ARHGAP32: variants seen among roughly 807,000 people sequenced by gnomAD.
ARHGAP32 encodes the protein Rho GTPase activating protein 32, also known as rho GTPase-activating protein 32.
In ARHGAP32, 51 loss-of-function variants were observed where a neutral mutation model predicts 186.5. That is an observed-to-expected ratio of 0.27 (90% CI 0.22 to 0.35). The LOEUF (loss-of-function observed/expected upper bound fraction) is 0.35. ARHGAP32 is among the 10% of genes least tolerant of loss of function. ARHGAP32 has a pLI of 1.00. For synonymous variants in ARHGAP32, 950 were observed against 964.3 expected, an observed-to-expected ratio of 0.99 and a Z score of 0.27; for missense variants, 2,186 against 2,623.5, an observed-to-expected ratio of 0.83 and a Z score of 3.64.
At chr11:129,149,629 CT>C (rs983763636) in intron 2 of ARHGAP32, among the ~76,000 whole-genome samples, 5 of 152,124 alleles carry the variant, frequency 3.3e-5, no homozygotes, top group African/African-American at 1.2e-4. Context: ...ACAAGGAAAT[CT>C]GAACATTAAG....
intron 1 of ARHGAP32, among the ~76,000 whole-genome samples, chr11:129,235,074 A>G (rs1356772558): frequency 1.3e-5 from 2 of 152,184 alleles, no homozygotes; most frequent in Admixed American, 1.3e-4. Context: ...AAATCCAACA[A>G]TAATTATCCT....
intron 1 of ARHGAP32, among the ~76,000 whole-genome samples, chr11:129,246,118 G>A (rs572881902): frequency 2.0e-5 from 3 of 152,282 alleles, no homozygotes; most frequent in African/African-American, 7.2e-5. Flanking sequence ...TACAATCCCT[G>A]CCTTCAAGGG....
At chr11:129,002,745 T>A (rs1937594658) in intron 11 of ARHGAP32, among the ~76,000 whole-genome samples, 1 of 152,080 alleles carries the variant, frequency 6.6e-6, no homozygotes, top group Admixed American at 6.6e-5. Flanking sequence ...GCTTTTATTA[T>A]GCTGACACAT....
At chr11:129,077,469 G>C (rs1941080254) in intron 6 of ARHGAP32, among the ~76,000 whole-genome samples, 1 of 152,080 alleles carries the variant, frequency 6.6e-6, no homozygotes, top group Non-Finnish European at 1.5e-5. Flanking sequence ...GGGACAGTGG[G>C]AATGAGACTG....
At chr11:129,265,320 C>T (rs190180825) in intron 1 of ARHGAP32, among the ~76,000 whole-genome samples, 32 of 152,272 alleles carry the variant, frequency 2.1e-4, no homozygotes, top group Non-Finnish European at 3.5e-4. Flanking sequence ...TCAACCTTGG[C>T]GCTACTGACA....
At chr11:129,075,960 A>T (rs941527919) in intron 6 of ARHGAP32, among the ~76,000 whole-genome samples, 3 of 152,210 alleles carry the variant, frequency 2.0e-5, no homozygotes, top group Non-Finnish European at 4.4e-5. Flanking sequence ...CAGATCACAA[A>T]GACCTTGCTG....
chr11:129,133,650 G>T (rs1016953778), intron 2 of ARHGAP32, among the ~76,000 whole-genome samples: 6 of 152,166 alleles, frequency 3.9e-5, no homozygotes, highest in Admixed American at 1.3e-4. Context: ...CCAGAAATCT[G>T]CATCAAGTGA....
chr11:129,123,832 A>T lies in ARHGAP32; in HGVS notation c.359+56T>A. 1.6e-6 allele frequency: 2 copies of T among 1,271,672 alleles called. No homozygotes were observed. The highest frequency in any genetic ancestry group is 1.3e-5 in the South Asian group (1 of 76,664). The allele number at this position is 1,271,672 out of a possible 1,614,324, so 78.8% of individuals were successfully genotyped here. On this transcript the variant is annotated intron_variant, in intron 4 of 22. Transcript: ENST00000682385. The surrounding 1 kb of genome is among the most constrained non-coding windows in gnomAD (Gnocchi z 4.6). ...TCGGCAAATGTTATGGAAACTGTGG[A>T]CAGCCAGCTTCTAACCAGAAGCATT...
rs543242248 is a variant in ARHGAP32 at position 129,192,020 on chromosome 11, A to G, written c.116+63T>C. On this transcript the variant is annotated intron_variant, in intron 1 of 22. Transcript: ENST00000682385. ...AAAAAAGACCGAAATGCAGAGAAGA[A>G]AAAGGGGTGCGGGTGGGGGTAGGGA... 42 of 1,219,806 alleles carry G rather than the reference A, an allele frequency of 3.4e-5. No individual in the cohort carries two copies. The African/African-American group carries it at 4.2e-4, about 12-fold the overall frequency. 75.6% of individuals were successfully genotyped at this position (1,219,806 alleles called of 1,614,324 possible). A position where few individuals can be genotyped will look rare whatever the true frequency, so the allele number is the denominator to read the frequency against.
At chr11:129,240,928 G>A (rs1055263452) in intron 1 of ARHGAP32, among the ~76,000 whole-genome samples, 7 of 152,128 alleles carry the variant, frequency 4.6e-5, no homozygotes, top group Admixed American at 1.3e-4. Context: ...GAGAAATCTG[G>A]GAATCCAAAA....
At chr11:129,103,593 T>C (rs1309992404) in intron 5 of ARHGAP32, among the ~76,000 whole-genome samples, 1 of 151,742 alleles carries the variant, frequency 6.6e-6, no homozygotes, top group African/African-American at 2.4e-5. Context: ...ACTAAACATA[T>C]CATAATTATA....
intron 11 of ARHGAP32, among the ~76,000 whole-genome samples, chr11:129,009,569 T>A (rs1420620450): frequency 6.6e-6 from 1 of 152,222 alleles, no homozygotes; most frequent in Non-Finnish European, 1.5e-5. Flanking sequence ...CTCCCACTTA[T>A]AAGTGAGAAC....
chr11:129,144,922 G>C (rs2135437392), intron 2 of ARHGAP32, among the ~76,000 whole-genome samples: 1 of 152,220 alleles, frequency 6.6e-6, no homozygotes, highest in Non-Finnish European at 1.5e-5. Flanking sequence ...CTATTAGAAA[G>C]CACCATTAGC....
At chr11:129,217,109 G>C (rs1944658163) in intron 1 of ARHGAP32, among the ~76,000 whole-genome samples, 1 of 151,806 alleles carries the variant, frequency 6.6e-6, no homozygotes, top group African/African-American at 2.4e-5. Context: ...ATTTTTTATA[G>C]TTTTGACTTT....
At chr11:129,086,629 G>A (rs1284496330) in intron 6 of ARHGAP32, among the ~76,000 whole-genome samples, 22 of 152,120 alleles carry the variant, frequency 1.4e-4, no homozygotes, top group South Asian at 4.1e-4. Flanking sequence ...AGACCATCCC[G>A]GCTAGCACGG....
intron 1 of ARHGAP32, among the ~76,000 whole-genome samples, chr11:129,275,790 T>G (rs370228842): frequency 6.6e-6 from 1 of 152,252 alleles, no homozygotes; most frequent in East Asian, 1.9e-4. Context: ...AATTTTATCC[T>G]TCTTTGGATT....
chr11:129,106,543 G>A (rs1942053948), intron 5 of ARHGAP32, among the ~76,000 whole-genome samples: 1 of 151,956 alleles, frequency 6.6e-6, no homozygotes, highest in Non-Finnish European at 1.5e-5. Context: ...TGGCAGTGAG[G>A]AAAAGATTTA....
intron 1 of ARHGAP32, among the ~76,000 whole-genome samples, chr11:129,177,790 AAAT>A (rs1290610759): frequency 6.6e-6 from 1 of 152,186 alleles, no homozygotes; most frequent in Non-Finnish European, 1.5e-5. Flanking sequence ...ACATATCTCA[AAAT>A]AATAAGAGCT....
chr11:129,262,436 T>C (rs918169430), intron 1 of ARHGAP32, among the ~76,000 whole-genome samples: 1 of 152,116 alleles, frequency 6.6e-6, no homozygotes, highest in Non-Finnish European at 1.5e-5. Flanking sequence ...CAGACTATAG[T>C]GCAGTGGCGC....
Sources: allele counts gnomAD v4.1 joint callset (sites outside exome capture counted in the v4.1 genomes callset), GRCh38; gene constraint gnomAD v4.1.1; non-coding constraint Gnocchi (gnomAD v3.1); transcripts MANE v1.5; gene names NCBI Gene and HGNC (gene_info 2026-07-23, HGNC 2026-07-21).